YEATS2: variants seen among roughly 807,000 people sequenced by gnomAD.
YEATS2 encodes YEATS domain-containing protein 2.
In YEATS2, 77 loss-of-function variants were observed where a neutral mutation model predicts 163.2. The ratio of observed to expected loss-of-function variants is 0.47; its 90% CI spans 0.39 to 0.57. The LOEUF is 0.57. Among genes scored for constraint, YEATS2 ranks in the 20% least tolerant of loss-of-function variants. The probability of loss-of-function intolerance (pLI) is 0.00; values close to 1 mark genes in which losing one functional copy is unlikely to be tolerated. For missense variants in YEATS2, 1,549 were observed against 1,729.8 expected (o/e 0.90, Z 1.85); for synonymous variants, 631 against 645.1 (o/e 0.98, Z 0.33).
chr3:183,700,282 C>T (rs1713920477), intron 1 of YEATS2, among the ~76,000 whole-genome samples: 1 of 152,088 alleles, frequency 6.6e-6, no homozygotes, highest in Admixed American at 6.6e-5. Flanking sequence ...ATTATAAAAT[C>T]CATAGGAAGA....
chr3:183,793,296 C>A, intron 21 of YEATS2: 2 of 1,124,718 alleles, frequency 1.8e-6, no homozygotes, highest in Non-Finnish European at 2.2e-6. Flanking sequence ...ACACCAGGCC[C>A]CTTGTGTCTT....
intron 15 of YEATS2, among the ~76,000 whole-genome samples, chr3:183,768,967 C>T (rs1382878095): frequency 1.3e-5 from 2 of 152,064 alleles, no homozygotes; most frequent in Admixed American, 6.6e-5. Flanking sequence ...AGCAAAACTC[C>T]GTCTCAAAAA....
chr3:183,785,765 C>A (rs1237734524), intron 19 of YEATS2, among the ~76,000 whole-genome samples: 1 of 152,202 alleles, frequency 6.6e-6, no homozygotes, highest in Non-Finnish European at 1.5e-5. Context: ...CCATTTAAAT[C>A]TGGCCCTGTC....
intron 16 of YEATS2, 120 bp downstream of exon 16, chr3:183,772,683 A>C: frequency 7.9e-7 from 1 of 1,268,564 alleles, no homozygotes; most frequent in Non-Finnish European, 1.1e-6. Flanking sequence ...TGATGCTGTA[A>C]GAAGTGTATT....
chr3:183,809,021 G>A lies in YEATS2; in HGVS notation c.4087-76G>A. 2.0e-6 allele frequency: 3 copies of A among 1,494,384 alleles called. No homozygotes were observed. In the South Asian group the frequency reaches 3.4e-5, roughly 17 times the overall value. 92.6% of individuals were successfully genotyped at this position (1,494,384 alleles called of 1,614,324 possible). A position where few individuals can be genotyped will look rare whatever the true frequency, so the allele number is the denominator to read the frequency against. ...CAGTGGTTTCAAACATTTGGGGTAAGGGATGGGGTTAAATGTGTCCCTTCT... is the reference window on the plus strand; with the variant it reads ...CAGTGGTTTCAAACATTTGGGGTAAAGGATGGGGTTAAATGTGTCCCTTCT... On this transcript the variant is annotated intron_variant, in intron 29 of 30. Transcript: ENST00000305135.
At chr3:183,717,169 G>A (rs1043703366) in intron 2 of YEATS2, among the ~76,000 whole-genome samples, 17 of 151,894 alleles carry the variant, frequency 1.1e-4, no homozygotes, top group Non-Finnish European at 2.1e-4. Context: ...CTGGGATTAC[G>A]GGTGCGAGCC....
intron 7 of YEATS2, 147 bp downstream of exon 7, chr3:183,728,998 TG>T: frequency 2.2e-6 from 2 of 889,802 alleles, no homozygotes; most frequent in South Asian, 1.8e-5. Flanking sequence ...GGAGGCCGGG[TG>T]GGGTGGCTCA....
At chr3:183,768,136 GTT>G (rs1228121658) in intron 15 of YEATS2, among the ~76,000 whole-genome samples, 1 of 152,168 alleles carries the variant, frequency 6.6e-6, no homozygotes, top group Non-Finnish European at 1.5e-5. Context: ...CTTTAAGTAA[GTT>G]TATTTCTCAT....
At chr3:183,701,836 C>T (rs1714127071) in intron 1 of YEATS2, among the ~76,000 whole-genome samples, 2 of 152,172 alleles carry the variant, frequency 1.3e-5, no homozygotes, top group African/African-American at 2.4e-5. Context: ...AGCCCCTCCC[C>T]ACTGCATTCT....
intron 2 of YEATS2, among the ~76,000 whole-genome samples, chr3:183,716,061 G>A (rs926758762): frequency 6.6e-6 from 1 of 152,066 alleles, no homozygotes. Context: ...CCCGGTTCGC[G>A]CCATTCTCCT....
chr3:183,785,313 C>T (rs1432907761), intron 19 of YEATS2, among the ~76,000 whole-genome samples: 1 of 151,822 alleles, frequency 6.6e-6, no homozygotes, highest in Non-Finnish European at 1.5e-5. Context: ...CATGGTGAAA[C>T]CCCATCTCTA....
At chr3:183,755,243 A>C (rs1278463786) in intron 11 of YEATS2, among the ~76,000 whole-genome samples, 1 of 151,938 alleles carries the variant, frequency 6.6e-6, no homozygotes, top group African/African-American at 2.4e-5. Context: ...TCAGCCTCCC[A>C]AGTAGCTGGG....
chr3:183,771,397 A>T (rs548406503), intron 15 of YEATS2, among the ~76,000 whole-genome samples: 3 of 152,036 alleles, frequency 2.0e-5, no homozygotes, highest in Non-Finnish European at 4.4e-5. Context: ...GTTTAATTTA[A>T]CATCCTACTG....
At chr3:183,760,908 G>A (rs1273054076) in intron 13 of YEATS2, among the ~76,000 whole-genome samples, 3 of 152,138 alleles carry the variant, frequency 2.0e-5, no homozygotes, top group Non-Finnish European at 2.9e-5. Context: ...ACCAACTATC[G>A]GGGAAGACCA....
chr3:183,729,762 C>T (rs1717521134), intron 7 of YEATS2, among the ~76,000 whole-genome samples: 1 of 151,910 alleles, frequency 6.6e-6, no homozygotes, highest in African/African-American at 2.4e-5. Flanking sequence ...ACCTCTGCTT[C>T]AGGTTCAACC....
intron 9 of YEATS2, 105 bp downstream of exon 9, chr3:183,747,821 C>G: frequency 2.8e-6 from 3 of 1,079,414 alleles, no homozygotes; most frequent in East Asian, 2.9e-5. Context: ...GCTCTGTCAC[C>G]CAGGCTGGAG....
chr3:183,722,535 C>T (rs916958988), intron 5 of YEATS2, among the ~76,000 whole-genome samples: 9 of 151,960 alleles, frequency 5.9e-5, no homozygotes, highest in East Asian at 3.9e-4. Flanking sequence ...GTGATCTTCC[C>T]GCCTCGGCCT....
Position 183,762,118 on chromosome 3 carries a change from G to C in YEATS2, c.1786G>C (p.Gly596Arg). The C allele has an allele frequency of 6.2e-7, 1 of 1,614,096 alleles. No individual in the cohort carries two copies. ...CAAGGTGATCATCAAACAGGAACCT[G>C]GTGAAGCCCCTCACGTGCCCGCAAC... ...FTKVIIKQEP[G>R]EAPHVPATGA... is the part of the protein sequence containing the mutation. Residue 596 changes from glycine to arginine, a missense_variant, in exon 15 of 31, where the codon GGT (glycine) becomes CGT (arginine). Gly to Arg is a moderately radical substitution (Grantham distance 125, BLOSUM62 -2). Coordinates refer to ENST00000305135, the MANE Select transcript of YEATS2 (RefSeq NM_018023.5).
chr3:183,810,863 C>T lies in YEATS2; in HGVS notation c.*280C>T, dbSNP rs377129677. 5 of 387,094 alleles carry T rather than the reference C, an allele frequency of 1.3e-5. No individual in the cohort carries two copies. The highest frequency in any genetic ancestry group is 1.1e-4 in the East Asian group (2 of 17,804). The allele number at this position is 387,094 out of a possible 1,614,324, so 24.0% of individuals were successfully genotyped here. Reference sequence around the variant, plus strand: ...AGTCTTTGTAAAGGCCCCACGAGAGCGGGCCAGGCCGTGTGCCTCAGGCCC... The same window carrying T: ...AGTCTTTGTAAAGGCCCCACGAGAGTGGGCCAGGCCGTGTGCCTCAGGCCC... On this transcript the variant is annotated 3_prime_UTR_variant, in exon 31 of 31. Transcript: ENST00000305135.
Sources: allele counts gnomAD v4.1 joint callset (sites outside exome capture counted in the v4.1 genomes callset), GRCh38; gene constraint gnomAD v4.1.1; transcripts MANE v1.5; gene names NCBI Gene and HGNC (gene_info 2026-07-23, HGNC 2026-07-21).